LAPTM4B: variants seen among roughly 807,000 people sequenced by gnomAD.
LAPTM4B encodes the protein lysosomal-associated transmembrane protein 4B.
A neutral mutation model predicts 28.5 loss-of-function variants in LAPTM4B; 26 were observed. The observed-to-expected ratio is 0.91, with a 90% confidence interval of 0.67 to 1.27. The LOEUF (loss-of-function observed/expected upper bound fraction) is 1.27. LAPTM4B is among the 50% of genes most tolerant of loss of function. The pLI is 0.00. For missense variants in LAPTM4B, 288 were observed against 285.8 expected (o/e 1.01, Z -0.06); for synonymous variants, 109 against 106.4 (o/e 1.02, Z -0.15).
At chr8:97,793,620 A>G (rs1485138949) in intron 1 of LAPTM4B, among the ~76,000 whole-genome samples, 1 of 152,230 alleles carries the variant, frequency 6.6e-6, no homozygotes, top group East Asian at 1.9e-4. Flanking sequence ...GCGATAGAGA[A>G]TTAGTATATT....
intron 1 of LAPTM4B, among the ~76,000 whole-genome samples, chr8:97,791,030 G>A (rs541007178): frequency 1.3e-5 from 2 of 152,194 alleles, no homozygotes; most frequent in African/African-American, 2.4e-5. Context: ...TCAGCCTCCC[G>A]AGTAGCTGGG....
intron 6 of LAPTM4B, among the ~76,000 whole-genome samples, chr8:97,835,781 C>G (rs1439002875): frequency 2.6e-5 from 4 of 152,182 alleles, no homozygotes; most frequent in Non-Finnish European, 5.9e-5. Context: ...ATACCACACT[C>G]TCCACTGCTG....
In LAPTM4B at chr8:97,815,357, C is replaced by G; in HGVS notation, c.241C>G (p.Leu81Val). The G allele has an allele frequency of 1.2e-6, 2 of 1,614,074 alleles. No individual in the cohort carries two copies. Among genetic ancestry groups the G allele is most frequent in the Non-Finnish European group, 1.7e-6 (2 of 1,179,970 alleles). The stretch of plus-strand genomic sequence containing the variant: ...GTGCATTGCCATTGCGATTTCTCTT[C>G]TCATGATCCTGATATGTGCTATGGC... ...NMCIAIAISL[L>V]MILICAMATY... The change falls in exon 3 of 7, where the codon CTC (leucine) becomes GTC (valine). Residue 81 changes from leucine (L) to valine (V), a missense_variant. Physicochemically the swap from Leu to Val is conservative, Grantham distance 32 (BLOSUM62 1). Coordinates refer to ENST00000521545, the MANE Select transcript of LAPTM4B (RefSeq NM_018407.6).
At chr8:97,803,997 C>T (rs1337253585) in intron 1 of LAPTM4B, among the ~76,000 whole-genome samples, 1 of 152,230 alleles carries the variant, frequency 6.6e-6, no homozygotes, top group Non-Finnish European at 1.5e-5. Flanking sequence ...TAGTAAGAGG[C>T]TTTTCTCTGT....
intron 1 of LAPTM4B, among the ~76,000 whole-genome samples, chr8:97,797,576 G>A (rs1816610797): frequency 6.6e-6 from 1 of 152,124 alleles, no homozygotes; most frequent in South Asian, 2.1e-4. Context: ...TTCTACTTTT[G>A]TTTCAAGTTT....
At chr8:97,794,322 A>C (rs1007644061) in intron 1 of LAPTM4B, among the ~76,000 whole-genome samples, 4 of 152,122 alleles carry the variant, frequency 2.6e-5, no homozygotes, top group Non-Finnish European at 5.9e-5. Flanking sequence ...TATAAAAATT[A>C]GCTCATCTTG....
At chr8:97,807,169 G>C (rs1416212564) in intron 2 of LAPTM4B, among the ~76,000 whole-genome samples, 11 of 152,192 alleles carry the variant, frequency 7.2e-5, no homozygotes, top group Non-Finnish European at 1.6e-4. Flanking sequence ...ACACCGCCGT[G>C]TGTTGAAGAT....
At chr8:97,794,314 T>C (rs1563604084) in intron 1 of LAPTM4B, among the ~76,000 whole-genome samples, 2 of 152,124 alleles carry the variant, frequency 1.3e-5, no homozygotes, top group East Asian at 3.9e-4. Context: ...TTAATAAATA[T>C]AAAAATTAGC....
chr8:97,830,647 G>T (rs762338612), intron 6 of LAPTM4B, among the ~76,000 whole-genome samples: 1 of 152,132 alleles, frequency 6.6e-6, no homozygotes, highest in Non-Finnish European at 1.5e-5. Flanking sequence ...TTAGGCTGGT[G>T]GTCAGATGGG....
At chr8:97,840,761 C>T (rs1436968934) in intron 6 of LAPTM4B, among the ~76,000 whole-genome samples, 4 of 152,092 alleles carry the variant, frequency 2.6e-5, no homozygotes, top group Non-Finnish European at 2.9e-5. Flanking sequence ...GCACAGCGGC[C>T]GGGCAGAGGT....
At chr8:97,834,956 G>C (rs879005935) in intron 6 of LAPTM4B, among the ~76,000 whole-genome samples, 1 of 152,140 alleles carries the variant, frequency 6.6e-6, no homozygotes, top group Admixed American at 6.5e-5. Flanking sequence ...AGATTGTTTA[G>C]AACTAAAGGA....
chr8:97,821,979 A>G (rs1418947320), intron 5 of LAPTM4B, among the ~76,000 whole-genome samples: 1 of 152,248 alleles, frequency 6.6e-6, no homozygotes, highest in Non-Finnish European at 1.5e-5. Flanking sequence ...CTAAATTTCC[A>G]TCATAAAACA....
At chr8:97,846,305 T>A (rs1399642581) in intron 6 of LAPTM4B, among the ~76,000 whole-genome samples, 1 of 151,576 alleles carries the variant, frequency 6.6e-6, no homozygotes, top group Non-Finnish European at 1.5e-5. Context: ...CAGTAAAAGT[T>A]CAGTTCTAAC....
intron 1 of LAPTM4B, among the ~76,000 whole-genome samples, chr8:97,786,662 A>G (rs1003878504): frequency 3.3e-5 from 5 of 150,996 alleles, no homozygotes; most frequent in Non-Finnish European, 7.4e-5. Context: ...TCGTGCCGCT[A>G]CACTCCAGCC....
chr8:97,803,804 C>T (rs1816723539), intron 1 of LAPTM4B, among the ~76,000 whole-genome samples: 1 of 151,956 alleles, frequency 6.6e-6, no homozygotes, highest in South Asian at 2.1e-4. Flanking sequence ...CACCACTGTG[C>T]CTGGCTCATT....
At chr8:97,823,545 T>G (rs1817042991) in intron 5 of LAPTM4B, among the ~76,000 whole-genome samples, 1 of 151,500 alleles carries the variant, frequency 6.6e-6, no homozygotes, top group Non-Finnish European at 1.5e-5. Context: ...CGGCTAATTT[T>G]TGTATTTTTA....
intron 2 of LAPTM4B, among the ~76,000 whole-genome samples, chr8:97,813,082 G>A (rs7843011): frequency 6.6e-6 from 1 of 152,034 alleles, no homozygotes; most frequent in Non-Finnish European, 1.5e-5. Context: ...TATATTTAAG[G>A]AAGTTTATTA....
chr8:97,812,756 G>T (rs62524083), intron 2 of LAPTM4B, among the ~76,000 whole-genome samples: 68,587 of 151,934 alleles, frequency 0.45, 15,957 homozygotes, highest in East Asian at 0.57. Context: ...AGAGTGGGAG[G>T]CACCCTCACT....
At chr8:97,787,233 A>G (rs1049043173) in intron 1 of LAPTM4B, among the ~76,000 whole-genome samples, 1 of 152,018 alleles carries the variant, frequency 6.6e-6, no homozygotes, top group South Asian at 2.1e-4. Flanking sequence ...CATCCCAGTA[A>G]CCAAAAACAA....
Sources: gnomAD v4.1 joint callset for allele counts (sites outside exome capture counted in the v4.1 genomes callset) on GRCh38, gnomAD v4.1.1 for gene constraint, MANE v1.5 for transcripts, NCBI Gene and HGNC (gene_info 2026-07-23, HGNC 2026-07-21) for gene names.